Variants in WWTR1 observed in about 807,000 individuals in gnomAD.
WWTR1 encodes the protein WW domain-containing transcription regulator protein 1.
A neutral mutation model predicts 40.1 loss-of-function variants in WWTR1; 13 were observed. That is an observed-to-expected ratio of 0.32 (90% CI 0.21 to 0.52). The LOEUF (loss-of-function observed/expected upper bound fraction) is 0.52. Ranked by LOEUF, WWTR1 falls within the 20% of genes least tolerant of loss-of-function variation. The pLI is 0.97. For synonymous variants in WWTR1, 230 were observed against 210.1 expected, an observed-to-expected ratio of 1.09 and a Z score of -0.82; for missense variants, 436 against 523.1, an observed-to-expected ratio of 0.83 and a Z score of 1.63.
At chr3:149,533,185 T>C (rs140365632) in intron 4 of WWTR1, among the ~76,000 whole-genome samples, 1 of 152,312 alleles carries the variant, frequency 6.6e-6, no homozygotes, top group Non-Finnish European at 1.5e-5. Flanking sequence ...GCTCAAAACC[T>C]GCTTTCTGTC....
intron 2 of WWTR1, among the ~76,000 whole-genome samples, chr3:149,613,078 G>A (rs935163868): frequency 2.0e-5 from 3 of 152,136 alleles, no homozygotes; most frequent in Non-Finnish European, 4.4e-5. Context: ...GCAGAGCAGA[G>A]ATGGCTTTTT....
At chr3:149,544,047 T>C (rs1201929500) in intron 3 of WWTR1, among the ~76,000 whole-genome samples, 2 of 151,902 alleles carry the variant, frequency 1.3e-5, no homozygotes, top group African/African-American at 4.8e-5. Context: ...GGATTGCAGG[T>C]GGAAGCCACC....
intron 1 of WWTR1, among the ~76,000 whole-genome samples, chr3:149,675,868 C>A (rs1239755120): frequency 6.6e-6 from 1 of 152,172 alleles, no homozygotes; most frequent in East Asian, 1.9e-4. Context: ...CAGGCGTCCA[C>A]CACCATGCCC....
At chr3:149,588,582 A>G (rs1738546230) in intron 2 of WWTR1, among the ~76,000 whole-genome samples, 1 of 152,222 alleles carries the variant, frequency 6.6e-6, no homozygotes, top group African/African-American at 2.4e-5. Flanking sequence ...GCTAAAATAT[A>G]TTGTGGGAGT....
intron 1 of WWTR1, among the ~76,000 whole-genome samples, chr3:149,692,964 A>C (rs1714871900): frequency 6.6e-6 from 1 of 152,148 alleles, no homozygotes; most frequent in African/African-American, 2.4e-5. Context: ...TCAACATACT[A>C]CTGGAAGTTC....
chr3:149,592,626 C>T (rs1738784148), intron 2 of WWTR1, among the ~76,000 whole-genome samples: 2 of 152,100 alleles, frequency 1.3e-5, no homozygotes, highest in African/African-American at 4.8e-5. Flanking sequence ...AATATATATA[C>T]ATATGTAAAA....
At chr3:149,610,408 G>T (rs1046554953) in intron 2 of WWTR1, among the ~76,000 whole-genome samples, 1 of 152,122 alleles carries the variant, frequency 6.6e-6, no homozygotes, top group African/African-American at 2.4e-5. Flanking sequence ...AACTTTAAGG[G>T]TGTCTCTGTT....
At chr3:149,633,956 G>A (rs528993804) in intron 2 of WWTR1, among the ~76,000 whole-genome samples, 2 of 152,138 alleles carry the variant, frequency 1.3e-5, no homozygotes, top group African/African-American at 4.8e-5. Flanking sequence ...AGGGTGATGA[G>A]AGCCATCATG....
intron 3 of WWTR1, among the ~76,000 whole-genome samples, chr3:149,548,943 C>G (rs79079775): frequency 6.6e-6 from 1 of 152,132 alleles, no homozygotes; most frequent in African/African-American, 2.4e-5. Flanking sequence ...TATTTCCTAA[C>G]AGTACTTCGG....
rs1406074627 is a variant in WWTR1, at chr3:149,697,167, A to T, written c.-108+5957T>A. ...AATAAAAGAGGTTTAATTGGCTCAC[A>T]ATTCAACAGGCTGTACAAGCATGGC... On this transcript the variant is annotated intron_variant, in intron 1 of 7. Coordinates refer to the WWTR1 transcript ENST00000465804. 9.2e-5 allele frequency among the ~76,000 whole-genome samples: 14 copies of T among 151,644 alleles called. No individual in the cohort carries two copies. The East Asian group carries it at 2.3e-3, about 25-fold the overall frequency.
At chr3:149,707,468 T>C (rs536983175), upstream of WWTR1, among the ~76,000 whole-genome samples, 2 of 152,230 alleles carry the variant, frequency 1.3e-5, no homozygotes, top group Non-Finnish European at 2.9e-5. Flanking sequence ...AAGAAATATC[T>C]TCACGAACAG....
In WWTR1 at chr3:149,566,930, G is replaced by A. The variant is rs148772657; in HGVS notation, c.568+5934C>T. Among the ~76,000 whole-genome samples, 22 of 152,208 alleles carry A rather than the reference G, an allele frequency of 1.4e-4. No homozygotes were observed. In the East Asian group the frequency reaches 3.9e-3, roughly 27 times the overall value. On this transcript the variant is annotated intron_variant, in intron 3 of 6. Transcript: ENST00000360632. Reference sequence around the variant, plus strand: ...CATCTTCAAAGGGGTAAGTAAGTGCGTGTGTGTGCATGTGTGTATATGTAA... The same window carrying A: ...CATCTTCAAAGGGGTAAGTAAGTGCATGTGTGTGCATGTGTGTATATGTAA...
At chr3:149,537,097 A>G (rs1433185465) in intron 4 of WWTR1, among the ~76,000 whole-genome samples, 1 of 152,170 alleles carries the variant, frequency 6.6e-6, no homozygotes, top group East Asian at 1.9e-4. Flanking sequence ...TTCCCACTTC[A>G]TTTGGTAAAG....
intron 3 of WWTR1, among the ~76,000 whole-genome samples, chr3:149,567,000 T>C (rs1349195605): frequency 1.3e-5 from 2 of 152,102 alleles, no homozygotes; most frequent in African/African-American, 4.8e-5. Context: ...CTAGTTGCAC[T>C]TTACCAAAAG....
At chr3:149,666,936 A>C (rs931304409) in intron 2 of WWTR1, among the ~76,000 whole-genome samples, 5 of 152,202 alleles carry the variant, frequency 3.3e-5, no homozygotes, top group African/African-American at 1.2e-4. Flanking sequence ...ACTGACTTAC[A>C]GTATCATTTC....
intron 2 of WWTR1, among the ~76,000 whole-genome samples, chr3:149,619,103 C>G (rs1740143415): frequency 6.6e-6 from 1 of 152,176 alleles, no homozygotes; most frequent in Non-Finnish European, 1.5e-5. Context: ...TGGCACCTTT[C>G]AGAAAGAGAT....
chr3:149,682,010 T>C (rs1192371378), intron 1 of WWTR1, among the ~76,000 whole-genome samples: 3 of 152,192 alleles, frequency 2.0e-5, no homozygotes, highest in African/African-American at 7.2e-5. Context: ...TACTTAAAAA[T>C]CTGTTAAGAG....
intron 2 of WWTR1, among the ~76,000 whole-genome samples, chr3:149,601,479 T>C (rs1050045526): frequency 3.9e-5 from 6 of 152,198 alleles, no homozygotes; most frequent in African/African-American, 1.4e-4. Flanking sequence ...ATTATAGGCA[T>C]GAGGCACCAC....
At chr3:149,541,607 G>C (rs1736103776) in intron 4 of WWTR1, among the ~76,000 whole-genome samples, 1 of 151,414 alleles carries the variant, frequency 6.6e-6, no homozygotes, top group South Asian at 2.1e-4. Context: ...TGAATCTCGG[G>C]GGGTTCTCTG....
Sources: gnomAD v4.1 joint callset for allele counts (sites outside exome capture counted in the v4.1 genomes callset) on GRCh38, gnomAD v4.1.1 for gene constraint, MANE v1.5 for transcripts, NCBI Gene and HGNC (gene_info 2026-07-23, HGNC 2026-07-21) for gene names.